Variants in PPM1H observed in about 807,000 individuals in gnomAD.
PPM1H encodes protein phosphatase, Mg2+/Mn2+ dependent 1H, also known as protein phosphatase 1H.
Under a neutral mutation model 54.9 loss-of-function variants are expected in PPM1H, and 27 were observed. That is an observed-to-expected ratio of 0.49 (90% CI 0.36 to 0.68). PPM1H has a LOEUF of 0.68. PPM1H is among the 30% of genes least tolerant of loss of function. The pLI is 0.00. For missense variants in PPM1H, 596 were observed against 667.8 expected (o/e 0.89, Z 1.19); for synonymous variants, 305 against 270.8 (o/e 1.13, Z -1.24).
chr12:62,722,274 C>T (rs2076268076), intron 5 of PPM1H, among the ~76,000 whole-genome samples: 1 of 152,194 alleles, frequency 6.6e-6, no homozygotes, highest in South Asian at 2.1e-4. Flanking sequence ...ATACAATCCA[C>T]TACCCAAGCT....
At chr12:62,714,444 G>T (rs144609324) in intron 6 of PPM1H, among the ~76,000 whole-genome samples, 3 of 152,180 alleles carry the variant, frequency 2.0e-5, no homozygotes, top group African/African-American at 7.2e-5. Context: ...GTATCATCAA[G>T]TTAGAATTAT....
chr12:62,793,635 A>C (rs1424657329), intron 3 of PPM1H, among the ~76,000 whole-genome samples: 1 of 151,416 alleles, frequency 6.6e-6, no homozygotes, highest in Non-Finnish European at 1.5e-5. Flanking sequence ...GAGGCAGGAG[A>C]ATTGCTTGAA....
At chr12:62,653,428 T>G (rs2075826136) in intron 9 of PPM1H, among the ~76,000 whole-genome samples, 1 of 152,224 alleles carries the variant, frequency 6.6e-6, no homozygotes, top group Non-Finnish European at 1.5e-5. Flanking sequence ...GTGAATTACT[T>G]TGTTTCAATG....
At position 62,720,177 on chromosome 12, in the gene PPM1H, G is replaced by C; in HGVS notation, c.1067C>G (p.Thr356Arg). The C allele has an allele frequency of 6.3e-7, 1 of 1,598,524 alleles. No homozygotes were observed. Among genetic ancestry groups the C allele is most frequent in the Non-Finnish European group, 8.6e-7 (1 of 1,165,878 alleles). ...GAGGAAGGCATGTTCTTACCAGCCT[G>C]TCATATTAAAGTCCCTGTAGAGCAT... ...KKMLYRDFNM[T>R]GWAYKTIEDE... The change falls in exon 6 of 10, where the codon ACA (threonine) becomes AGA (arginine). Residue 356 changes from threonine (T) to arginine (R), a missense_variant. Physicochemically the swap from Thr to Arg is moderately conservative, Grantham distance 71. Coordinates refer to ENST00000228705, the MANE Select transcript of PPM1H (RefSeq NM_020700.2).
intron 1 of PPM1H, among the ~76,000 whole-genome samples, chr12:62,864,075 T>C (rs1259717794): frequency 6.6e-6 from 1 of 152,206 alleles, no homozygotes; most frequent in Non-Finnish European, 1.5e-5. Flanking sequence ...TGAAGACAGT[T>C]TGGTTGCAGC....
rs762801436 is a variant in PPM1H at position 62,934,647 on chromosome 12, G to C, written c.90C>G (p.Cys30Trp). The stretch of plus-strand genomic sequence containing the variant: ...AACGCAGGGGCAGGTCCGAGCCTCC[G>C]CAGCTGCCGCCGCCGTGCTCGGAGC... ...SSGSEHGGGS[C>W]GGSDLPLRFP... Residue 30 changes from cysteine to tryptophan, a missense_variant, in exon 1 of 10, where the codon TGC becomes TGG. This residue lies in a region of PPM1H where 382 missense variants were observed against 387.1 expected (regional missense o/e 0.99). Transcript: ENST00000228705. This position sits in a 1 kb window ranked among gnomAD's most constrained non-coding sequence, Gnocchi z 4.2. The C allele has an allele frequency of 6.3e-7, 1 of 1,595,436 alleles. No individual in the cohort carries two copies. The highest frequency in any genetic ancestry group is 1.3e-5 in the African/African-American group (1 of 74,532).
At chr12:62,725,905 C>T (rs937036947) in intron 5 of PPM1H, among the ~76,000 whole-genome samples, 14 of 152,154 alleles carry the variant, frequency 9.2e-5, no homozygotes, top group African/African-American at 3.1e-4. Flanking sequence ...GATACTGATG[C>T]CACACTCTTA....
At chr12:62,673,603 T>C (rs1266037372) in intron 8 of PPM1H, among the ~76,000 whole-genome samples, 2 of 151,962 alleles carry the variant, frequency 1.3e-5, no homozygotes, top group Non-Finnish European at 2.9e-5. Context: ...GACAATGAGC[T>C]CCTGCAGCTC....
intron 5 of PPM1H, among the ~76,000 whole-genome samples, chr12:62,732,822 T>C (rs901330129): frequency 1.8e-4 from 27 of 152,266 alleles, no homozygotes; most frequent in African/African-American, 5.8e-4. Flanking sequence ...CTATCATAGA[T>C]GTTTCTTCAT....
chr12:62,790,775 G>A (rs2076697449), intron 3 of PPM1H, among the ~76,000 whole-genome samples: 1 of 152,132 alleles, frequency 6.6e-6, no homozygotes, highest in Non-Finnish European at 1.5e-5. Flanking sequence ...ATATGGGAGT[G>A]AACAGCAGCA....
chr12:62,849,930 G>A (rs914113318), intron 1 of PPM1H, among the ~76,000 whole-genome samples: 1 of 152,082 alleles, frequency 6.6e-6, no homozygotes, highest in Admixed American at 6.6e-5. Context: ...ATTATAAATA[G>A]CAATTTACAG....
intron 4 of PPM1H, among the ~76,000 whole-genome samples, chr12:62,779,130 C>T (rs1032660361): frequency 4.6e-5 from 7 of 151,994 alleles, no homozygotes; most frequent in Non-Finnish European, 7.4e-5. Flanking sequence ...TTCCACCTCC[C>T]GAGTTCAAGC....
chr12:62,850,413 A>C (rs1010967652), intron 1 of PPM1H, among the ~76,000 whole-genome samples: 1 of 151,994 alleles, frequency 6.6e-6, no homozygotes, highest in East Asian at 1.9e-4. Flanking sequence ...AATTAAATAA[A>C]AATTTTTGAA....
chr12:62,880,987 C>G (rs1268348541), intron 1 of PPM1H, among the ~76,000 whole-genome samples: 1 of 152,142 alleles, frequency 6.6e-6, no homozygotes, highest in Non-Finnish European at 1.5e-5. Flanking sequence ...CTTCAGCAAG[C>G]CACAGAACTC....
At chr12:62,787,765 A>G (rs2076681430) in intron 4 of PPM1H, among the ~76,000 whole-genome samples, 1 of 152,348 alleles carries the variant, frequency 6.6e-6, no homozygotes, top group South Asian at 2.1e-4. Context: ...CTTCAGTTGA[A>G]CCCGGACGTG....
At chr12:62,777,491 C>T (rs960955436) in intron 4 of PPM1H, among the ~76,000 whole-genome samples, 4 of 152,204 alleles carry the variant, frequency 2.6e-5, no homozygotes, top group Admixed American at 6.5e-5. Flanking sequence ...TGACATTTTA[C>T]TCTGCTTATA....
chr12:62,740,319 C>T (rs1369799386), intron 4 of PPM1H, among the ~76,000 whole-genome samples: 1 of 152,170 alleles, frequency 6.6e-6, no homozygotes, highest in Non-Finnish European at 1.5e-5. Flanking sequence ...TTGGGCATGC[C>T]ATCATTCTGA....
At chr12:62,852,513 A>G (rs1027115592) in intron 1 of PPM1H, among the ~76,000 whole-genome samples, 2 of 152,206 alleles carry the variant, frequency 1.3e-5, no homozygotes, top group Admixed American at 1.3e-4. Context: ...ATACTTTGTT[A>G]CAGCAGCCCA....
At chr12:62,701,680 GTT>G (rs59870131) in intron 6 of PPM1H, among the ~76,000 whole-genome samples, 3 of 143,566 alleles carry the variant, frequency 2.1e-5, no homozygotes, top group Non-Finnish European at 1.5e-5. Flanking sequence ...TTGTTTGTTT[GTT>G]TTTTTTTTTT....
Sources: gnomAD v4.1 joint callset for allele counts (sites outside exome capture counted in the v4.1 genomes callset) on GRCh38, gnomAD v4.1.1 for gene constraint, gnomAD v4.1.1 regional missense constraint, Gnocchi (gnomAD v3.1) non-coding constraint, MANE v1.5 for transcripts, NCBI Gene and HGNC (gene_info 2026-07-23, HGNC 2026-07-21) for gene names.